Variants in CHMP1A observed in about 807,000 individuals in gnomAD.
CHMP1A encodes the protein VPS46 homolog A.
Under a neutral mutation model 27.0 loss-of-function variants are expected in CHMP1A, and 17 were observed. The observed-to-expected ratio is 0.63, with a 90% CI of 0.43 to 0.95. The LOEUF (loss-of-function observed/expected upper bound fraction) is 0.95, where lower values mean the gene tolerates loss of function less well. CHMP1A is among the 40% of genes least tolerant of loss of function. The pLI is 0.00. For synonymous variants in CHMP1A, 131 were observed against 107.5 expected, an observed-to-expected ratio of 1.22 and a Z score of -1.35; for missense variants, 275 against 264.0, an observed-to-expected ratio of 1.04 and a Z score of -0.29.
At chr16:89,656,832 C>G (rs1023795600) in intron 1 of CHMP1A, among the ~76,000 whole-genome samples, 14 of 152,174 alleles carry the variant, frequency 9.2e-5, no homozygotes, top group Admixed American at 2.6e-4. Context: ...ACAGTCCCCC[C>G]TACCGAGCTG....
intron 4 of CHMP1A, 120 bp downstream of exon 4, chr16:89,649,231 C>T (rs948714043): frequency 1.7e-5 from 20 of 1,147,372 alleles, no homozygotes; most frequent in Middle Eastern, 6.3e-4. Flanking sequence ...CCCTCAACCT[C>T]CCCACCCCGC....
At chr16:89,656,374 C>T (rs113890158) in intron 1 of CHMP1A, among the ~76,000 whole-genome samples, 13 of 149,950 alleles carry the variant, frequency 8.7e-5, no homozygotes, top group East Asian at 2.0e-4. Context: ...CCTGACCTTG[C>T]GATCCGCCGG....
intron 5 of CHMP1A, 170 bp from the exon 6 acceptor site, chr16:89,646,884 G>GGGCCCCCCCCCCCCCCCCCCCC: frequency 2.8e-6 from 2 of 709,060 alleles, no homozygotes; most frequent in Non-Finnish European, 4.8e-6. Flanking sequence ...AGCCTTTCCT[G>GGGCCCCCCCCCCCCCCCCCCCC]CCCCCCCACC....
intron 1 of CHMP1A, 147 bp from the exon 2 acceptor site, chr16:89,654,070 C>T: frequency 2.4e-6 from 2 of 849,742 alleles, no homozygotes; most frequent in Non-Finnish European, 2.0e-6. Context: ...GGGGAGCCCC[C>T]CCCAACAGGG....
At chr16:89,657,076 G>A (rs1425088966) in intron 1 of CHMP1A, among the ~76,000 whole-genome samples, 1 of 146,708 alleles carries the variant, frequency 6.8e-6, no homozygotes, top group Non-Finnish European at 1.5e-5. Flanking sequence ...AGGCCTGGGG[G>A]GAGGGGTCCC....
intron 2 of CHMP1A, among the ~76,000 whole-genome samples, chr16:89,652,399 C>T (rs2059831930): frequency 6.6e-6 from 1 of 151,710 alleles, no homozygotes; most frequent in South Asian, 2.1e-4. Flanking sequence ...CCACAGACGC[C>T]CTGGTACCAG....
chr16:89,656,724 T>A (rs1259129737), intron 1 of CHMP1A, among the ~76,000 whole-genome samples: 1 of 152,200 alleles, frequency 6.6e-6, no homozygotes, highest in Non-Finnish European at 1.5e-5. Flanking sequence ...TCCTTCTGAT[T>A]TGCAGTGATG....
intron 1 of CHMP1A, 122 bp from the exon 2 acceptor site, chr16:89,654,045 C>A (rs2059845136): frequency 2.9e-6 from 3 of 1,044,362 alleles, no homozygotes; most frequent in Admixed American, 1.8e-5. Flanking sequence ...CAGACCACAC[C>A]TGCCTGGGGC....
chr16:89,653,542 G>C (rs974098240), intron 2 of CHMP1A, among the ~76,000 whole-genome samples: 1 of 144,196 alleles, frequency 6.9e-6, no homozygotes, highest in Non-Finnish European at 1.5e-5. Context: ...AGAATCGCTT[G>C]AACCCGGGAG....
At position 89,651,664 on chromosome 16, in the gene CHMP1A, T is replaced by G. The variant is rs1338605568; in HGVS notation, c.28-18A>C. The G allele has an allele frequency of 1.9e-6, 3 of 1,612,994 alleles. No individual in the cohort carries two copies. The African/African-American group carries it at 4.0e-5, about 22-fold the overall frequency. ...GCCGTGAACTGAGCGGAAGCCGGAA[T>G]GTCCTGGGTCAGACATGCGGAGCCC... On this transcript the variant is annotated intron_variant, in intron 2 of 6. Transcript: ENST00000397901.
intron 2 of CHMP1A, among the ~76,000 whole-genome samples, chr16:89,652,947 G>A (rs577831598): frequency 6.6e-6 from 1 of 151,318 alleles, no homozygotes; most frequent in East Asian, 2.0e-4. Flanking sequence ...TCCTTCAAAT[G>A]ATCTCAAAGA....
At chr16:89,651,531 C>A in intron 3 of CHMP1A, 38 bp downstream of exon 3, 8 of 1,598,334 alleles carry the variant, frequency 5.0e-6, no homozygotes, top group Non-Finnish European at 6.9e-6. Flanking sequence ...AGAAGACAAA[C>A]CAGGAGAGTC....
rs115187185 is a variant in CHMP1A at position 89,646,373 on chromosome 16, C to T, written c.569+154G>A. ...AGCAGCAGGGCGGCTCGCTTGGGGGCGGCTGCAGCTGGGGCCTCTGAGTCG... is the reference window on the plus strand; with the variant it reads ...AGCAGCAGGGCGGCTCGCTTGGGGGTGGCTGCAGCTGGGGCCTCTGAGTCG... On this transcript the variant is annotated intron_variant, in intron 6 of 6. Coordinates refer to ENST00000397901, the MANE Select transcript of CHMP1A (RefSeq NM_002768.5). Among the ~76,000 whole-genome samples, 2,822 of 152,304 alleles carry T rather than the reference C, an allele frequency of 0.019. 54 individuals are homozygous for T. The highest frequency in any genetic ancestry group is 0.052 in the African/African-American group (2,174 of 41,554).
At chr16:89,649,733 GC>G (rs1383224595) in intron 3 of CHMP1A, 1 of 477,848 alleles carries the variant, frequency 2.1e-6, no homozygotes, top group Non-Finnish European at 3.7e-6. Flanking sequence ...CCGCCACCAT[GC>G]CTGGCTAATT....
rs1555634153 is a variant in CHMP1A, at chr16:89,647,340, G to C, written c.253-9C>G. 3 of 1,606,134 alleles carry C rather than the reference G, an allele frequency of 1.9e-6. No homozygotes were observed. Among genetic ancestry groups the C allele is most frequent in the Admixed American group, 3.3e-5 (2 of 59,748 alleles). On this transcript the variant is annotated splice_polypyrimidine_tract_variant and intron_variant, in intron 4 of 6. Coordinates refer to ENST00000397901, the MANE Select transcript of CHMP1A (RefSeq NM_002768.5). Reference sequence around the variant, plus strand: ...GCCATATTCTTGGTCACCTGAGACAGGAGAGAGCGCAGGAGGGAACAGGAT... The same window carrying C: ...GCCATATTCTTGGTCACCTGAGACACGAGAGAGCGCAGGAGGGAACAGGAT...
chr16:89,657,452 G>A (rs2059893369), intron 1 of CHMP1A, 130 bp downstream of exon 1: 1 of 1,163,858 alleles, frequency 8.6e-7, no homozygotes, highest in Admixed American at 2.2e-5. Flanking sequence ...TGGGGTCCCG[G>A]GGGATCGACG....
chr16:89,647,244 T>C lies in CHMP1A; in HGVS notation c.340A>G (p.Arg114Gly). 1 of 1,609,942 alleles carries C rather than the reference T, an allele frequency of 6.2e-7. No individual in the cohort carries two copies. Among genetic ancestry groups the C allele is most frequent in the Non-Finnish European group, 8.5e-7 (1 of 1,178,462 alleles). The change falls in exon 5 of 7, where the codon AGG (arginine) becomes GGG (glycine). Residue 114 changes from arginine to glycine, a missense_variant. Arg to Gly is a moderately radical substitution (Grantham distance 125). Coordinates refer to ENST00000397901, the MANE Select transcript of CHMP1A (RefSeq NM_002768.5). ...AGGTTCTGCACCTGCTGCTCGAACC[T>C]GTCCATCACTGAGGAGACCTTCTGC... ...DLQKVSSVMD[R>G]FEQQVQNLDV... is the part of the protein sequence containing the mutation.
chr16:89,657,504 G>T lies in CHMP1A; in HGVS notation c.7+78C>A, dbSNP rs562089695. The stretch of plus-strand genomic sequence containing the variant: ...TCCTGAGTCCTGCCCGCGGCCCCAG[G>T]TGGGCGGAGCCCACGCCAGTGGGAG... On this transcript the variant is annotated intron_variant, in intron 1 of 6. Transcript: ENST00000397901. The T allele has an allele frequency of 1.6e-4, 252 of 1,576,888 alleles. No individual in the cohort carries two copies. The African/African-American group carries it at 3.0e-3, about 19-fold the overall frequency.
chr16:89,646,820 C>G (rs1005183563), intron 5 of CHMP1A, 106 bp from the exon 6 acceptor site: 1 of 1,260,002 alleles, frequency 7.9e-7, no homozygotes, highest in Non-Finnish European at 1.1e-6. Context: ...ACACAGCCAG[C>G]CACCTTCTTG....
Sources: gnomAD v4.1 joint callset for allele counts (sites outside exome capture counted in the v4.1 genomes callset) on GRCh38, gnomAD v4.1.1 for gene constraint, MANE v1.5 for transcripts, NCBI Gene and HGNC (gene_info 2026-07-23, HGNC 2026-07-21) for gene names.